PIK3R3: variants seen among roughly 807,000 people sequenced by gnomAD.
PIK3R3 encodes phosphoinositide-3-kinase regulatory subunit 3.
In PIK3R3, 64 loss-of-function variants were observed where a neutral mutation model predicts 62.9. The ratio of observed to expected loss-of-function variants is 1.02; its 90% CI spans 0.83 to 1.25. The LOEUF (loss-of-function observed/expected upper bound fraction) is 1.25. PIK3R3 is among the 50% of genes most tolerant of loss of function. The pLI is 0.00. For missense variants in PIK3R3, 614 were observed against 561.6 expected (o/e 1.09, Z -0.94); for synonymous variants, 165 against 189.0 (o/e 0.87, Z 1.04).
intron 1 of PIK3R3, among the ~76,000 whole-genome samples, chr1:46,124,288 T>C (rs535956460): frequency 3.3e-5 from 5 of 152,302 alleles, no homozygotes; most frequent in Non-Finnish European, 7.4e-5. Context: ...AGGTTTTCTC[T>C]GGGCAGGATA....
chr1:46,102,306 G>A (rs961671622), intron 1 of PIK3R3, among the ~76,000 whole-genome samples: 1 of 151,892 alleles, frequency 6.6e-6, no homozygotes, highest in Non-Finnish European at 1.5e-5. Flanking sequence ...CTTAAAATTG[G>A]TGATTTGTAT....
the PIK3R3 span, among the ~76,000 whole-genome samples, chr1:46,141,967 T>TC: frequency 6.6e-6 from 1 of 152,232 alleles, no homozygotes; most frequent in Non-Finnish European, 1.5e-5. Flanking sequence ...ATTCTGATAC[T>TC]CCAAACCTTC....
intron 1 of PIK3R3, among the ~76,000 whole-genome samples, chr1:46,126,589 G>C (rs2149474807): frequency 6.7e-6 from 1 of 150,192 alleles, no homozygotes; most frequent in African/African-American, 2.4e-5. Context: ...TAGTAAAGAT[G>C]TCAATGCCAT....
At chr1:46,105,080 A>G (rs931536702) in intron 1 of PIK3R3, 2 of 746,682 alleles carry the variant, frequency 2.7e-6, no homozygotes, top group Non-Finnish European at 4.9e-6. Context: ...CACTTTCTCT[A>G]TTGCTGTATG....
chr1:46,116,857 G>A (rs1281578752), intron 1 of PIK3R3, among the ~76,000 whole-genome samples: 1 of 151,968 alleles, frequency 6.6e-6, no homozygotes, highest in African/African-American at 2.4e-5. Flanking sequence ...AAATAGGCAG[G>A]GCTAGAATAG....
At chr1:46,106,018 T>C (rs80281458) in intron 1 of PIK3R3, among the ~76,000 whole-genome samples, 3,525 of 152,314 alleles carry the variant, frequency 0.023, 73 homozygotes, top group South Asian at 0.12. Context: ...ATGGCAATTA[T>C]AGGCATCTCA....
At chr1:46,080,106 G>A (rs1168115833) in intron 2 of PIK3R3, among the ~76,000 whole-genome samples, 1 of 149,954 alleles carries the variant, frequency 6.7e-6, no homozygotes, top group Non-Finnish European at 1.5e-5. Context: ...CTGTCGCCCA[G>A]GCTGGAGTGC....
At chr1:46,084,261 G>A (rs1486978217) in intron 1 of PIK3R3, among the ~76,000 whole-genome samples, 2 of 152,102 alleles carry the variant, frequency 1.3e-5, no homozygotes, top group African/African-American at 2.4e-5. Context: ...GGAGTAAAGT[G>A]GGAAATAGGG....
chr1:46,138,760 G>A, the PIK3R3 span: 1 of 152,248 alleles, frequency 6.6e-6, no homozygotes, highest in East Asian at 1.9e-4. Context: ...CACCACTTGG[G>A]TAAGAAAGTA....
chr1:46,151,026 G>T, the PIK3R3 span, among the ~76,000 whole-genome samples: 1 of 151,916 alleles, frequency 6.6e-6, no homozygotes, highest in Non-Finnish European at 1.5e-5. Flanking sequence ...GGTCAGGCTG[G>T]TCTCGAACTC....
intron 6 of PIK3R3, among the ~76,000 whole-genome samples, chr1:46,060,079 G>A (rs785462): frequency 0.67 from 102,510 of 151,874 alleles, 34,795 homozygotes; most frequent in Non-Finnish European, 0.71. Context: ...CAGCGTGGGC[G>A]ACAGAGCGAG....
chr1:46,056,223 G>C (rs772135256), intron 6 of PIK3R3: 13 of 282,722 alleles, frequency 4.6e-5, no homozygotes, highest in Non-Finnish European at 8.5e-5. Flanking sequence ...GCTAATTTTT[G>C]TATTTTTAGT....
chr1:46,053,108 ACACTGAACTATTCTC>A (rs1361004301), intron 7 of PIK3R3, among the ~76,000 whole-genome samples: 4 of 152,216 alleles, frequency 2.6e-5, no homozygotes, highest in Non-Finnish European at 5.9e-5. Context: ...GGACCATGGG[ACACTGAACTATTCTC>A]CTGGAAGCAG....
At chr1:46,168,035 A>G in the PIK3R3 span, among the ~76,000 whole-genome samples, 4 of 152,096 alleles carry the variant, frequency 2.6e-5, no homozygotes, top group Non-Finnish European at 5.9e-5. Flanking sequence ...GCATGCTTGT[A>G]ACCTCAGCTA....
intron 1 of PIK3R3, among the ~76,000 whole-genome samples, chr1:46,121,287 T>C (rs1654648701): frequency 6.6e-6 from 1 of 152,220 alleles, no homozygotes; most frequent in South Asian, 2.1e-4. Context: ...TAAATGTCTA[T>C]TAGAAGTTCA....
intron 7 of PIK3R3, among the ~76,000 whole-genome samples, chr1:46,047,769 TTTGTTTGG>T (rs1647156186): frequency 1.0e-5 from 1 of 96,652 alleles, no homozygotes; most frequent in Non-Finnish European, 2.7e-5. Context: ...TATATTTTTG[TTTGTTTGG>T]TTGGTTGGTT....
chr1:46,064,950 TA>T (rs1296486613), intron 5 of PIK3R3, among the ~76,000 whole-genome samples: 2 of 151,956 alleles, frequency 1.3e-5, no homozygotes, highest in African/African-American at 4.8e-5. Flanking sequence ...AAGTAAACAC[TA>T]AAAAAATCCA....
the PIK3R3 span, among the ~76,000 whole-genome samples, chr1:46,150,803 CTTTTTTTTTTT>C: frequency 1.1e-4 from 12 of 112,784 alleles, no homozygotes; most frequent in East Asian, 1.7e-3. Context: ...GGTAAACACT[CTTTTTTTTTTT>C]TTTTTTTTTT....
chr1:46,170,105 C>T, the PIK3R3 span, among the ~76,000 whole-genome samples: 4 of 151,998 alleles, frequency 2.6e-5, no homozygotes, highest in African/African-American at 7.3e-5. Context: ...CCAGCCACCC[C>T]GAGAAAAGCA....
Sources: allele counts gnomAD v4.1 joint callset (sites outside exome capture counted in the v4.1 genomes callset), GRCh38; gene constraint gnomAD v4.1.1; transcripts MANE v1.5; gene names NCBI Gene and HGNC (gene_info 2026-07-23, HGNC 2026-07-21).